Variants in ATP2A3 observed in about 807,000 individuals in gnomAD.
ATP2A3 encodes sarcoplasmic/endoplasmic reticulum calcium ATPase 3.
Under a neutral mutation model 106.8 loss-of-function variants are expected in ATP2A3, and 61 were observed. The ratio of observed to expected loss-of-function variants is 0.57; its 90% confidence interval spans 0.46 to 0.71. The LOEUF (loss-of-function observed/expected upper bound fraction) is 0.71. ATP2A3 is among the 30% of genes least tolerant of loss of function. ATP2A3 has a pLI of 0.00. For missense variants in ATP2A3, 1,201 were observed against 1,423.5 expected (o/e 0.84, Z 2.52); for synonymous variants, 611 against 609.3 (o/e 1.00, Z -0.04).
In ATP2A3 at chr17:3,928,208, C is replaced by G; in HGVS notation, c.2980+455G>C. ...AGCTCAGAAACAACCCTCCCCTTGACCCACCCACAAGGTGATACCAAAGAG... is the reference window on the plus strand; with the variant it reads ...AGCTCAGAAACAACCCTCCCCTTGAGCCACCCACAAGGTGATACCAAAGAG... On this transcript the variant is annotated intron_variant, in intron 20 of 20. Coordinates refer to ENST00000397041, the MANE Select transcript of ATP2A3 (RefSeq NM_005173.4). The surrounding 1 kb of genome is among the most constrained non-coding windows in gnomAD (Gnocchi z 6.1). 1 of 1,612,612 alleles carries G rather than the reference C, an allele frequency of 6.2e-7. No homozygotes were observed. Among genetic ancestry groups the G allele is most frequent in the African/African-American group, 1.3e-5 (1 of 75,014 alleles).
chr17:3,946,199 G>A (rs1241247284), intron 8 of ATP2A3, among the ~76,000 whole-genome samples: 2 of 149,398 alleles, frequency 1.3e-5, no homozygotes, highest in Admixed American at 1.4e-4. Flanking sequence ...AGCCAAGATC[G>A]TGCCACTGCA....
chr17:3,946,631 G>A (rs974480191), intron 8 of ATP2A3, among the ~76,000 whole-genome samples: 2 of 152,192 alleles, frequency 1.3e-5, no homozygotes, highest in African/African-American at 2.4e-5. Context: ...TAGCAGGACA[G>A]TAAAGCTCGG....
chr17:3,958,701 CAT>C lies in ATP2A3; in HGVS notation c.119-4993_119-4992del, dbSNP rs147879049. 2.5e-3 allele frequency among the ~76,000 whole-genome samples: 314 copies of C among 124,918 alleles called. 3 individuals carry two copies. The highest frequency in any genetic ancestry group is 0.013 in the East Asian group (67 of 5,010). The allele number at this position is 124,918 out of a possible 152,430, so 82.0% of individuals were successfully genotyped here. ...TTTGCAAAACCTTCTCCTCCTCATT[CAT>C]ATATATATATATATACACATATATA... On this transcript the variant is annotated intron_variant, in intron 1 of 20. Transcript: ENST00000397041.
chr17:3,928,580 C>G lies in ATP2A3; in HGVS notation c.2980+83G>C. On this transcript the variant is annotated intron_variant, in intron 20 of 20. Coordinates refer to ENST00000397041, the MANE Select transcript of ATP2A3 (RefSeq NM_005173.4). This position sits in a 1 kb window ranked among gnomAD's most constrained non-coding sequence, Gnocchi z 6.1. ...TGTGCAGACAGAGAGGCTCTGCGCTCCACACCCACAGCGTCCACTGCAGCC... is the reference window on the plus strand; with the variant it reads ...TGTGCAGACAGAGAGGCTCTGCGCTGCACACCCACAGCGTCCACTGCAGCC... 1 of 1,271,938 alleles carries G rather than the reference C, an allele frequency of 7.9e-7. No individual in the cohort carries two copies. The highest frequency in any genetic ancestry group is 1.1e-6 in the Non-Finnish European group (1 of 894,702). The allele number at this position is 1,271,938 out of a possible 1,614,324, so 78.8% of individuals were successfully genotyped here.
Position 3,951,441 on chromosome 17 carries a change from C to T in ATP2A3, c.325-52G>A, listed in dbSNP as rs113227242. The T allele has an allele frequency of 4.7e-4, 756 of 1,612,308 alleles. 3 individuals are homozygous for T. In the African/African-American group the frequency reaches 9.0e-3, roughly 19 times the overall value. On this transcript the variant is annotated intron_variant, in intron 4 of 20. Transcript: ENST00000397041. ...TCTGTCCCTGCTGCCCCCCGCAGAC[C>T]ACCCCCTTGGAGTGACTCCTCTGGG...
intron 1 of ATP2A3, among the ~76,000 whole-genome samples, chr17:3,957,991 G>A (rs1235157638): frequency 6.6e-6 from 1 of 152,212 alleles, no homozygotes; most frequent in East Asian, 1.9e-4. Flanking sequence ...GAGGGCCTGT[G>A]TTCACGGAGG....
intron 4 of ATP2A3, 77 bp from the exon 5 acceptor site, chr17:3,951,466 G>C: frequency 8.7e-6 from 14 of 1,606,968 alleles, no homozygotes; most frequent in Non-Finnish European, 1.2e-5. Context: ...ACTCCTCTGG[G>C]GCCTGGGATG....
At position 3,925,885 on chromosome 17, in the gene ATP2A3, C is replaced by A. The variant is rs566590775; in HGVS notation, c.2981-444G>T. Among the ~76,000 whole-genome samples the A allele has an allele frequency of 6.6e-6, 1 of 152,266 alleles. No homozygotes were observed. Among genetic ancestry groups the A allele is most frequent in the Admixed American group, 6.5e-5 (1 of 15,292 alleles). On this transcript the variant is annotated intron_variant, in intron 20 of 20. Transcript: ENST00000397041. The surrounding 1 kb of genome is among the most constrained non-coding windows in gnomAD (Gnocchi z 4.2). ...CAAGGCCTGCCGCCCTGCCCCCAGC[C>A]CCAGTCTTACCGTCCCATCATACTT...
rs1354527698 is a variant in ATP2A3 at position 3,926,090 on chromosome 17, G to A, written c.2981-649C>T. ...AACTGCTCAGCCACACCTGGGCAGA[G>A]CCAGGAGGTGGGGTGAGAGGACCGC... On this transcript the variant is annotated intron_variant, in intron 20 of 20. Transcript: ENST00000397041. The surrounding 1 kb of genome is among the most constrained non-coding windows in gnomAD (Gnocchi z 4.6). 6.6e-6 allele frequency among the ~76,000 whole-genome samples: 1 copy of A among 151,634 alleles called. No homozygotes were observed. The highest frequency in any genetic ancestry group is 1.5e-5 in the Non-Finnish European group (1 of 67,908).
At chr17:3,960,255 C>T (rs377566975) in intron 1 of ATP2A3, among the ~76,000 whole-genome samples, 157 of 152,340 alleles carry the variant, frequency 1.0e-3, no homozygotes, top group Non-Finnish European at 1.9e-3. Context: ...CCGTGGGCTA[C>T]GCATATGGGT....
At position 3,940,031 on chromosome 17, in the gene ATP2A3, C is replaced by CTTTTTTTTT. The variant is rs1174008086; in HGVS notation, c.2100+931_2100+939dup. Among the ~76,000 whole-genome samples, 368 of 96,486 alleles carry CTTTTTTTTT rather than the reference C, an allele frequency of 3.8e-3. 58 individuals carry two copies. Among genetic ancestry groups the CTTTTTTTTT allele is most frequent in the African/African-American group, 0.017 (349 of 21,112 alleles). 63.3% of individuals were successfully genotyped at this position (96,486 alleles called of 152,430 possible). Reference sequence around the variant, plus strand: ...ATGGGTTGATGGTAATGTGTCATATCTTTTTTTTTTTGTTTTTTGTTTTTT... The same window carrying CTTTTTTTTT: ...ATGGGTTGATGGTAATGTGTCATATCTTTTTTTTTTTTTTTTTTTTGTTTTTTGTTTTTT... On this transcript the variant is annotated intron_variant, in intron 14 of 20. Coordinates refer to ENST00000397041, the MANE Select transcript of ATP2A3 (RefSeq NM_005173.4).
intron 5 of ATP2A3, 65 bp from the exon 6 acceptor site, chr17:3,950,838 G>T: frequency 6.6e-7 from 1 of 1,520,574 alleles, no homozygotes; most frequent in South Asian, 1.1e-5. Context: ...AAAGCCAGAA[G>T]GGTTCCCAGA....
At chr17:3,958,667 T>C (rs2054921665) in intron 1 of ATP2A3, among the ~76,000 whole-genome samples, 1 of 151,102 alleles carries the variant, frequency 6.6e-6, no homozygotes, top group South Asian at 2.1e-4. Flanking sequence ...GATGTGTTGA[T>C]AATCCCGTTT....
At chr17:3,961,930 T>A (rs896712528) in intron 1 of ATP2A3, among the ~76,000 whole-genome samples, 3 of 152,090 alleles carry the variant, frequency 2.0e-5, no homozygotes, top group Admixed American at 2.0e-4. Flanking sequence ...CCTCATCAGC[T>A]CCACCCCAGC....
chr17:3,937,689 C>T, intron 14 of ATP2A3, 53 bp from the exon 15 acceptor site: 2 of 1,566,302 alleles, frequency 1.3e-6, no homozygotes, highest in South Asian at 2.3e-5. Context: ...TTCCACCTCC[C>T]CATCTCTTCT....
At position 3,928,250 on chromosome 17, in the gene ATP2A3, C is replaced by G. The variant is rs1228992639; in HGVS notation, c.2980+413G>C. On this transcript the variant is annotated intron_variant, in intron 20 of 20. Transcript: ENST00000397041. This position sits in a 1 kb window ranked among gnomAD's most constrained non-coding sequence, Gnocchi z 6.1. Reference sequence around the variant, plus strand: ...ACCAAAGAGGCCAACCCGGTGTGGTCTGGGGTCCAAGAGGTGGTCAGCGGC... The same window carrying G: ...ACCAAAGAGGCCAACCCGGTGTGGTGTGGGGTCCAAGAGGTGGTCAGCGGC... 1.9e-6 allele frequency: 3 copies of G among 1,613,468 alleles called. No individual in the cohort carries two copies. Among genetic ancestry groups the G allele is most frequent in the African/African-American group, 1.3e-5 (1 of 74,930 alleles).
At position 3,941,495 on chromosome 17, in the gene ATP2A3, C is replaced by T. The variant is rs773516208; in HGVS notation, c.1705G>A (p.Ala569Thr). 39 of 1,613,922 alleles carry T rather than the reference C, an allele frequency of 2.4e-5. 1 individual carries two copies. The Middle Eastern group carries it at 4.9e-4, about 20-fold the overall frequency. ...LRCLALATRDAPPRKEDMELD... is the reference protein window; with the variant it reads ...LRCLALATRDTPPRKEDMELD... ...TCCATGTCCTCCTTCCTTGGGGGCG[C>T]GTCCCGGGTGGCCAGTGCCAGGCAG... is the stretch of plus-strand genomic sequence containing the variant. The change falls in exon 13 of 21, where the codon GCG becomes ACG. Residue 569 changes from alanine (A) to threonine (T), a missense_variant. This residue lies in a region of ATP2A3 where 935 missense variants were observed against 1,176.7 expected (regional missense o/e 0.79). Coordinates refer to ENST00000397041, the MANE Select transcript of ATP2A3 (RefSeq NM_005173.4).
In ATP2A3 at chr17:3,928,027, G is replaced by A. The variant is rs746434821; in HGVS notation, c.2980+636C>T. Reference sequence around the variant, plus strand: ...GCAGCTCTGACAGCGAGACGATGCTGTGTCCCTGGCCCTTGGAAGTTCAGA... The same window carrying A: ...GCAGCTCTGACAGCGAGACGATGCTATGTCCCTGGCCCTTGGAAGTTCAGA... On this transcript the variant is annotated intron_variant, in intron 20 of 20. Coordinates refer to ENST00000397041, the MANE Select transcript of ATP2A3 (RefSeq NM_005173.4). This position sits in a 1 kb window ranked among gnomAD's most constrained non-coding sequence, Gnocchi z 6.1. The A allele has an allele frequency of 5.0e-6, 8 of 1,614,088 alleles. No homozygotes were observed. The highest frequency in any genetic ancestry group is 6.8e-6 in the Non-Finnish European group (8 of 1,180,022).
rs2052931517 is a variant in ATP2A3 at position 3,929,594 on chromosome 17, C to G, written c.2745-149G>C. ...CAGGGCCTGTCCCGGGCTGGGACCC[C>G]TTTCTCTGCCCCTCAGACCTAATCT... On this transcript the variant is annotated intron_variant, in intron 18 of 20. Coordinates refer to ENST00000397041, the MANE Select transcript of ATP2A3 (RefSeq NM_005173.4). The surrounding 1 kb of genome is among the most constrained non-coding windows in gnomAD (Gnocchi z 4.3). 4 of 676,142 alleles carry G rather than the reference C, an allele frequency of 5.9e-6. No homozygotes were observed. The East Asian group carries it at 8.2e-5, about 14-fold the overall frequency. 41.9% of individuals were successfully genotyped at this position (676,142 alleles called of 1,614,324 possible). A position where few individuals can be genotyped will look rare whatever the true frequency, so the allele number is the denominator to read the frequency against.
Sources: allele counts gnomAD v4.1 joint callset (sites outside exome capture counted in the v4.1 genomes callset), GRCh38; gene constraint gnomAD v4.1.1; regional missense constraint gnomAD v4.1.1; non-coding constraint Gnocchi (gnomAD v3.1); transcripts MANE v1.5; gene names NCBI Gene and HGNC (gene_info 2026-07-23, HGNC 2026-07-21).